TCF12: variants seen among roughly 807,000 people sequenced by gnomAD.
TCF12 encodes the protein DNA-binding protein HTF4.
In TCF12, 45 loss-of-function variants were observed where a neutral mutation model predicts 86.0. That is an observed-to-expected ratio of 0.52 (90% CI 0.41 to 0.67). The LOEUF (loss-of-function observed/expected upper bound fraction) is 0.67, where lower values mean the gene tolerates loss of function less well. Ranked by LOEUF, TCF12 falls within the 30% of genes least tolerant of loss-of-function variation. The pLI, the probability that TCF12 is intolerant of heterozygous loss-of-function variation, is 0.00. For missense variants in TCF12, 881 were observed against 859.9 expected (o/e 1.02, Z -0.31); for synonymous variants, 330 against 299.6 (o/e 1.10, Z -1.05).
intron 5 of TCF12, among the ~76,000 whole-genome samples, chr15:57,104,623 A>G (rs1473368004): frequency 6.6e-6 from 1 of 151,028 alleles, no homozygotes; most frequent in African/African-American, 2.4e-5. Flanking sequence ...TTTAGAAGAG[A>G]TGGAGTTTTG....
intron 5 of TCF12, among the ~76,000 whole-genome samples, chr15:57,135,212 C>T (rs1376588994): frequency 6.6e-6 from 1 of 152,174 alleles, no homozygotes; most frequent in Admixed American, 6.5e-5. Context: ...ATGCAACAAA[C>T]ATCCAGATGG....
At chr15:57,170,747 AT>A (rs1338081285) in intron 6 of TCF12, among the ~76,000 whole-genome samples, 2 of 41,702 alleles carry the variant, frequency 4.8e-5, no homozygotes, top group African/African-American at 1.7e-4. Flanking sequence ...AATATATATT[AT>A]ATATTATATA....
At chr15:57,004,276 C>T (rs2064218513) in intron 3 of TCF12, among the ~76,000 whole-genome samples, 1 of 151,352 alleles carries the variant, frequency 6.6e-6, no homozygotes, top group African/African-American at 2.4e-5. Context: ...TCTTGTAGCC[C>T]AGGCTGGAGT....
rs952129057 is a variant in TCF12 at position 56,918,714 on chromosome 15, C to T, written c.-215C>T. Reference sequence around the variant, plus strand: ...CCTGAAGAGACCCACAAGTTCTATTCGGGGGGACCGACAGCCCGCCCCGGG... The same window carrying T: ...CCTGAAGAGACCCACAAGTTCTATTTGGGGGGACCGACAGCCCGCCCCGGG... On this transcript the variant is annotated 5_prime_UTR_variant, in exon 1 of 21. Transcript: ENST00000333725. The T allele has an allele frequency of 1.0e-4, 17 of 166,458 alleles. No individual in the cohort carries two copies. Among genetic ancestry groups the T allele is most frequent in the Non-Finnish European group, 2.1e-4 (16 of 76,416 alleles). The allele number at this position is 166,458 out of a possible 1,614,324, so 10.3% of individuals were successfully genotyped here.
chr15:57,111,683 C>G (rs1697842219), intron 5 of TCF12, among the ~76,000 whole-genome samples: 1 of 151,182 alleles, frequency 6.6e-6, no homozygotes, highest in Non-Finnish European at 1.5e-5. Flanking sequence ...CCTCTGCCTA[C>G]CGGGCTCAAG....
At chr15:57,249,706 A>T (rs997683) in intron 13 of TCF12, among the ~76,000 whole-genome samples, 1 of 151,986 alleles carries the variant, frequency 6.6e-6, no homozygotes, top group Admixed American at 6.6e-5. Flanking sequence ...TTCCTAAGTA[A>T]GGCAAATTGA....
chr15:56,955,566 A>C (rs1315342062), intron 3 of TCF12, among the ~76,000 whole-genome samples: 2 of 152,112 alleles, frequency 1.3e-5, no homozygotes, highest in African/African-American at 4.8e-5. Flanking sequence ...ATAAATAAAT[A>C]AAAATAAAAA....
chr15:57,209,388 G>C (rs573587061), intron 8 of TCF12, among the ~76,000 whole-genome samples: 15 of 152,222 alleles, frequency 9.9e-5, no homozygotes, highest in African/African-American at 3.6e-4. Context: ...CATTGTTTTA[G>C]GATGACCTAA....
At chr15:57,204,306 C>G (rs752671781) in intron 8 of TCF12, among the ~76,000 whole-genome samples, 8 of 152,022 alleles carry the variant, frequency 5.3e-5, no homozygotes, top group Non-Finnish European at 1.2e-4. Context: ...AAAAAACTGT[C>G]CAGGTATGGT....
At chr15:57,206,512 G>A (rs2057817610) in intron 8 of TCF12, among the ~76,000 whole-genome samples, 1 of 149,462 alleles carries the variant, frequency 6.7e-6, no homozygotes, top group African/African-American at 2.5e-5. Flanking sequence ...GACCTAAAGA[G>A]TTAAAAATAA....
chr15:57,280,389 C>A (rs575811899), intron 19 of TCF12, among the ~76,000 whole-genome samples: 1 of 152,076 alleles, frequency 6.6e-6, no homozygotes, highest in South Asian at 2.1e-4. Flanking sequence ...TGTATAGGCT[C>A]TATGTCTTTC....
intron 4 of TCF12, among the ~76,000 whole-genome samples, chr15:57,075,931 G>A (rs1259377588): frequency 3.4e-5 from 5 of 148,598 alleles, no homozygotes; most frequent in African/African-American, 1.0e-4. Flanking sequence ...TGACACGATC[G>A]TGGCCTATTG....
intron 3 of TCF12, among the ~76,000 whole-genome samples, chr15:57,044,192 T>C (rs1366849360): frequency 6.6e-6 from 1 of 152,176 alleles, no homozygotes; most frequent in Non-Finnish European, 1.5e-5. Context: ...TCAGAACACA[T>C]AGTAAATTTA....
At chr15:56,968,523 C>T (rs1316395809) in intron 3 of TCF12, among the ~76,000 whole-genome samples, 2 of 152,082 alleles carry the variant, frequency 1.3e-5, no homozygotes, top group Non-Finnish European at 2.9e-5. Context: ...TGCCTGGCCT[C>T]ATATCACTTT....
chr15:56,968,323 C>T (rs1035130952), intron 3 of TCF12, among the ~76,000 whole-genome samples: 8 of 150,896 alleles, frequency 5.3e-5, no homozygotes, highest in African/African-American at 1.9e-4. Context: ...AAAGCTGGCT[C>T]TCATTATTTT....
At chr15:57,172,659 G>GA (rs2055596804) in intron 6 of TCF12, among the ~76,000 whole-genome samples, 1 of 152,020 alleles carries the variant, frequency 6.6e-6, no homozygotes, top group South Asian at 2.1e-4. Context: ...GAGAGGATCA[G>GA]AAAAAATAGC....
intron 5 of TCF12, among the ~76,000 whole-genome samples, chr15:57,150,152 A>G (rs2053637665): frequency 6.6e-6 from 1 of 152,228 alleles, no homozygotes; most frequent in African/African-American, 2.4e-5. Context: ...ATCAGAATTC[A>G]GAGAAGCTAT....
chr15:56,977,320 T>C (rs138802749), intron 3 of TCF12, among the ~76,000 whole-genome samples: 104 of 152,024 alleles, frequency 6.8e-4, no homozygotes, highest in Non-Finnish European at 1.2e-3. Flanking sequence ...ATTGCTTGAG[T>C]CCAGGAGTTC....
intron 8 of TCF12, 95 bp from the exon 9 acceptor site, chr15:57,231,057 G>T (rs780138019): frequency 2.9e-5 from 24 of 826,658 alleles, no homozygotes; most frequent in Non-Finnish European, 3.9e-5. Context: ...AATTAGATAG[G>T]CCTTTTTAAG....
Sources: allele counts gnomAD v4.1 joint callset (sites outside exome capture counted in the v4.1 genomes callset), GRCh38; gene constraint gnomAD v4.1.1; transcripts MANE v1.5; gene names NCBI Gene and HGNC (gene_info 2026-07-23, HGNC 2026-07-21).